Variants in GRK2 observed in about 807,000 individuals in gnomAD.
GRK2 encodes G protein-coupled receptor kinase 2, also known as adrenergic beta receptor kinase 1.
In GRK2, 23 loss-of-function variants were observed where a neutral mutation model predicts 97.8. That is an observed-to-expected ratio of 0.24 (90% CI 0.17 to 0.33). GRK2 has a LOEUF of 0.33. Among genes scored for constraint, GRK2 ranks in the 10% least tolerant of loss-of-function variants. GRK2 has a pLI of 1.00. For missense variants in GRK2, 633 were observed against 956.9 expected (o/e 0.66, Z 4.47); for synonymous variants, 425 against 381.7 (o/e 1.11, Z -1.32).
In GRK2 at chr11:67,269,159, C is replaced by T. The variant is rs1293978821; in HGVS notation, c.113+2347C>T. Among the ~76,000 whole-genome samples, 2 of 152,248 alleles carry T rather than the reference C, an allele frequency of 1.3e-5. No individual in the cohort carries two copies. The highest frequency in any genetic ancestry group is 4.8e-5 in the African/African-American group (2 of 41,460). ...TTTGCATAACGCCTTGCCTTGCACA[C>T]CCAGTGGGGCAGAGCACGCCGCCCC... On this transcript the variant is annotated intron_variant, in intron 1 of 20. Transcript: ENST00000308595. This position sits in a 1 kb window ranked among gnomAD's most constrained non-coding sequence, Gnocchi z 4.1.
intron 1 of GRK2, among the ~76,000 whole-genome samples, chr11:67,272,212 G>A (rs1386870068): frequency 6.6e-6 from 1 of 152,188 alleles, no homozygotes; most frequent in Non-Finnish European, 1.5e-5. Context: ...CCAGGCCAGA[G>A]GCTGGGCACA....
At chr11:67,278,303 A>G (rs930101714) in intron 2 of GRK2, among the ~76,000 whole-genome samples, 2 of 152,194 alleles carry the variant, frequency 1.3e-5, no homozygotes, top group African/African-American at 4.8e-5. Flanking sequence ...GAGCCTGGTT[A>G]CCCGTGTCAG....
chr11:67,270,078 TG>T (rs1428197846), intron 1 of GRK2, among the ~76,000 whole-genome samples: 1 of 152,228 alleles, frequency 6.6e-6, no homozygotes, highest in Non-Finnish European at 1.5e-5. Context: ...CGACTGGACC[TG>T]CCTCAGTTTC....
At chr11:67,266,852 G>T in intron 1 of GRK2, 40 bp downstream of exon 1, 2 of 1,075,480 alleles carry the variant, frequency 1.9e-6, no homozygotes, top group Non-Finnish European at 2.4e-6. Context: ...CGACCCCGCG[G>T]GCGCCCCGGC....
chr11:67,275,236 T>G (rs1426021864), intron 1 of GRK2, among the ~76,000 whole-genome samples: 2 of 152,128 alleles, frequency 1.3e-5, no homozygotes, highest in Non-Finnish European at 2.9e-5. Context: ...ACTGCAGCCC[T>G]TCCTGGAAGG....
In GRK2 at chr11:67,281,204, C is replaced by T. The variant is rs762254522; in HGVS notation, c.647+20C>T. The T allele has an allele frequency of 1.1e-5, 17 of 1,599,578 alleles. No homozygotes were observed. Among genetic ancestry groups the T allele is most frequent in the East Asian group, 6.7e-5 (3 of 44,728 alleles). On this transcript the variant is annotated intron_variant, in intron 8 of 20. Transcript: ENST00000308595. This position sits in a 1 kb window ranked among gnomAD's most constrained non-coding sequence, Gnocchi z 5.7. ...CAAGATGTGAGCACCCTGCTCGGCG[C>T]GGTGGGATACCTCGGGGAGCCGGGC...
At position 67,285,461 on chromosome 11, in the gene GRK2, C is replaced by G; in HGVS notation, c.*11C>G. The G allele has an allele frequency of 6.6e-7, 1 of 1,526,612 alleles. No individual in the cohort carries two copies. Among genetic ancestry groups the G allele is most frequent in the Non-Finnish European group, 8.8e-7 (1 of 1,139,376 alleles). The allele number at this position is 1,526,612 out of a possible 1,614,324, so 94.6% of individuals were successfully genotyped here. On this transcript the variant is annotated 3_prime_UTR_variant, in exon 21 of 21. Coordinates refer to ENST00000308595, the MANE Select transcript of GRK2 (RefSeq NM_001619.5). ...GCCAACGGCCTCTGACCCGCCCACC[C>G]GCCTTTTATAAACCTCTAATTTATT...
Position 67,281,848 on chromosome 11 carries a change from C to T in GRK2, c.853C>T (p.Gln285Ter). 3 of 1,613,746 alleles carry T rather than the reference C, an allele frequency of 1.9e-6. No individual in the cohort carries two copies. Among genetic ancestry groups the T allele is most frequent in the Non-Finnish European group, 2.5e-6 (3 of 1,179,994 alleles). The change falls in exon 11 of 21, where the codon CAG becomes TAG. Residue 285 changes from glutamine (Q) to a stop codon, truncating the protein, a stop_gained. Transcript: ENST00000308595. LOFTEE classifies it high-confidence loss of function. This position sits in a 1 kb window ranked among gnomAD's most constrained non-coding sequence, Gnocchi z 5.7. Reference protein sequence around the residue: ...NGGDLHYHLSQHGVFSEADMR... With the variant: ...NGGDLHYHLS ...TGGGGACCTGCACTACCACCTCTCC[C>T]AGCACGGGGTCTTCTCAGAGGCTGA...
rs1334327053 is a variant in GRK2, at chr11:67,283,955, G to A, written c.1491+6G>A. 1.9e-6 allele frequency: 3 copies of A among 1,602,030 alleles called. No homozygotes were observed. The highest frequency in any genetic ancestry group is 2.6e-6 in the Non-Finnish European group (3 of 1,173,230). ...AGGACACAAAAGGAATCAAGGTACTGGGCCTTGCCTGGCCTCTTGTACCTA... is the reference window on the plus strand; with the variant it reads ...AGGACACAAAAGGAATCAAGGTACTAGGCCTTGCCTGGCCTCTTGTACCTA... On this transcript the variant is annotated splice_donor_region_variant and intron_variant, in intron 17 of 20. Transcript: ENST00000308595.
rs1433580261 is a variant in GRK2, at chr11:67,286,413, C to T, written c.*963C>T. ...GCCAGTCGCGCTGCCTGTGTGGTGTCGCGCCTTCTCCCCCCCGGGGCTGGG... is the reference window on the plus strand; with the variant it reads ...GCCAGTCGCGCTGCCTGTGTGGTGTTGCGCCTTCTCCCCCCCGGGGCTGGG... On this transcript the variant is annotated 3_prime_UTR_variant, in exon 21 of 21. Coordinates refer to ENST00000308595, the MANE Select transcript of GRK2 (RefSeq NM_001619.5). The T allele has an allele frequency of 5.7e-6, 4 of 700,422 alleles. No individual in the cohort carries two copies. Among genetic ancestry groups the T allele is most frequent in the African/African-American group, 1.7e-5 (1 of 57,216 alleles). 43.4% of individuals were successfully genotyped at this position (700,422 alleles called of 1,614,324 possible). A position where few individuals can be genotyped will look rare whatever the true frequency, so the allele number is the denominator to read the frequency against.
chr11:67,275,920 G>C (rs940888118), intron 1 of GRK2, among the ~76,000 whole-genome samples: 3 of 152,152 alleles, frequency 2.0e-5, no homozygotes, highest in African/African-American at 7.2e-5. Context: ...TGGAGCAGGG[G>C]GTGGCTTTGG....
In GRK2 at chr11:67,279,912, G is replaced by A. The variant is rs2136500346; in HGVS notation, c.503+12G>A. On this transcript the variant is annotated intron_variant, in intron 6 of 20. Transcript: ENST00000308595. ...AAATTCATTGAGAGGTGAGAGCAGGGAAGTGTGGGAGAGGAAGGGGGAGGG... is the reference window on the plus strand; with the variant it reads ...AAATTCATTGAGAGGTGAGAGCAGGAAAGTGTGGGAGAGGAAGGGGGAGGG... The A allele has an allele frequency of 6.2e-7, 1 of 1,613,542 alleles. No homozygotes were observed. Among genetic ancestry groups the A allele is most frequent in the Non-Finnish European group, 8.5e-7 (1 of 1,179,690 alleles).
chr11:67,268,179 G>A (rs1028983296), intron 1 of GRK2, among the ~76,000 whole-genome samples: 22 of 152,196 alleles, frequency 1.4e-4, no homozygotes, highest in African/African-American at 3.6e-4. Flanking sequence ...GTGACTCTGC[G>A]GTGTCCCTCA....
chr11:67,282,372 G>GC lies in GRK2; in HGVS notation c.1052+13dup, dbSNP rs36036575. 6.2e-7 allele frequency: 1 copy of GC among 1,612,504 alleles called. No homozygotes were observed. The highest frequency in any genetic ancestry group is 8.5e-7 in the Non-Finnish European group (1 of 1,179,180). On this transcript the variant is annotated splice_region_variant and intron_variant, in intron 12 of 20. Coordinates refer to ENST00000308595, the MANE Select transcript of GRK2 (RefSeq NM_001619.5). The surrounding 1 kb of genome is among the most constrained non-coding windows in gnomAD (Gnocchi z 6.9). ...AGAAGCCCCATGCCAGCGTGTGAGT[G>GC]CCCCCCACCCTCTCCCTCCCCACCC...
chr11:67,283,855 A>T lies in GRK2; in HGVS notation c.1397A>T (p.Tyr466Phe), dbSNP rs1590855401. 2.5e-6 allele frequency: 4 copies of T among 1,611,892 alleles called. No homozygotes were observed. Among genetic ancestry groups the T allele is most frequent in the African/African-American group, 1.3e-5 (1 of 74,718 alleles). ...LDWQMVFLQKYPPPLIPPRGE... is the reference protein window; with the variant it reads ...LDWQMVFLQKFPPPLIPPRGE... Reference sequence around the variant, plus strand: ...CCCATGACCCCTGTTCTGCTGCAGTACCCTCCCCCGCTGATCCCCCCACGA... The same window carrying T: ...CCCATGACCCCTGTTCTGCTGCAGTTCCCTCCCCCGCTGATCCCCCCACGA... Residue 466 changes from tyrosine to phenylalanine, a missense_variant and splice_region_variant, in exon 17 of 21, where the codon TAC becomes TTC. Tyr to Phe is a conservative substitution (Grantham distance 22). This residue lies in a region of GRK2 where 68 missense variants were observed against 71.0 expected (regional missense o/e 0.96). Coordinates refer to ENST00000308595, the MANE Select transcript of GRK2 (RefSeq NM_001619.5).
intron 2 of GRK2, among the ~76,000 whole-genome samples, chr11:67,278,420 G>A (rs572687047): frequency 6.6e-6 from 1 of 152,282 alleles, no homozygotes; most frequent in South Asian, 2.1e-4. Flanking sequence ...GGGGTCCCCT[G>A]AGAGCCCCTC....
Position 67,281,307 on chromosome 11 carries a change from A to T in GRK2, c.647+123A>T. ...TGCACTCCTGTCTTGCCGTGCTGTTACCCCCGCAGGCTCCTCTGGCCCCAG... is the reference window on the plus strand; with the variant it reads ...TGCACTCCTGTCTTGCCGTGCTGTTTCCCCCGCAGGCTCCTCTGGCCCCAG... On this transcript the variant is annotated intron_variant, in intron 8 of 20. Transcript: ENST00000308595. The surrounding 1 kb of genome is among the most constrained non-coding windows in gnomAD (Gnocchi z 5.7). 1 of 1,080,918 alleles carries T rather than the reference A, an allele frequency of 9.3e-7. No homozygotes were observed. The highest frequency in any genetic ancestry group is 1.4e-6 in the Non-Finnish European group (1 of 732,100). 67.0% of individuals were successfully genotyped at this position (1,080,918 alleles called of 1,614,324 possible). A position where few individuals can be genotyped will look rare whatever the true frequency, so the allele number is the denominator to read the frequency against.
Position 67,285,268 on chromosome 11 carries a change from T to G in GRK2, c.1906-18T>G, listed in dbSNP as rs374847519. ...TGGGGAGAGCCCCAGCTGACAGAGC[T>G]GGGCTTGGCATGTGCAGAGCGACCC... is the stretch of plus-strand genomic sequence containing the variant. On this transcript the variant is annotated intron_variant, in intron 20 of 20. Coordinates refer to ENST00000308595, the MANE Select transcript of GRK2 (RefSeq NM_001619.5). 7 of 1,609,252 alleles carry G rather than the reference T, an allele frequency of 4.3e-6. No homozygotes were observed. In the East Asian group the frequency reaches 1.3e-4, roughly 31 times the overall value.
At position 67,282,268 on chromosome 11, in the gene GRK2, C is replaced by T; in HGVS notation, c.958-3C>T. The T allele has an allele frequency of 6.2e-7, 1 of 1,613,186 alleles. No individual in the cohort carries two copies. Reference sequence around the variant, plus strand: ...CAGGCAGCTCACTGGGCTTCCTTCACAGCCAGCCAACATCCTTCTGGACGA... The same window carrying T: ...CAGGCAGCTCACTGGGCTTCCTTCATAGCCAGCCAACATCCTTCTGGACGA... On this transcript the variant is annotated splice_polypyrimidine_tract_variant and splice_region_variant and intron_variant, in intron 11 of 20. Coordinates refer to ENST00000308595, the MANE Select transcript of GRK2 (RefSeq NM_001619.5). The surrounding 1 kb of genome is among the most constrained non-coding windows in gnomAD (Gnocchi z 6.9).
Sources: gnomAD v4.1 joint callset for allele counts (sites outside exome capture counted in the v4.1 genomes callset) on GRCh38, gnomAD v4.1.1 for gene constraint, gnomAD v4.1.1 regional missense constraint, Gnocchi (gnomAD v3.1) non-coding constraint, MANE v1.5 for transcripts, NCBI Gene and HGNC (gene_info 2026-07-23, HGNC 2026-07-21) for gene names.